SHKBP1: variants seen among roughly 807,000 people sequenced by gnomAD.
The protein encoded by SHKBP1 is SH3KBP1 binding protein 1.
SHKBP1 carries 71 observed loss-of-function variants against 83.9 expected under a neutral mutation model. The ratio of observed to expected loss-of-function variants is 0.85; its 90% CI spans 0.70 to 1.03. The LOEUF is 1.03. Ranked by LOEUF, SHKBP1 falls within the 50% of genes least tolerant of loss-of-function variation. The probability of loss-of-function intolerance (pLI) is 0.00; values close to 1 mark genes in which losing one functional copy is unlikely to be tolerated. For synonymous variants in SHKBP1, 371 were observed against 398.0 expected (o/e 0.93, Z 0.81); for missense variants, 824 against 982.4 (o/e 0.84, Z 2.16).
At position 40,590,694 on chromosome 19, in the gene SHKBP1, TGTC is replaced by T. The variant is rs761287925; in HGVS notation, c.1769-35_1769-33del. On this transcript the variant is annotated intron_variant, in intron 16 of 17. Coordinates refer to ENST00000291842, the MANE Select transcript of SHKBP1 (RefSeq NM_138392.4). This position sits in a 1 kb window ranked among gnomAD's most constrained non-coding sequence, Gnocchi z 4.6. ...ACCCAGGCCCTTGCCCTATGACCCC[TGTC>T]TTGCCCCCTGACCCTGCTTCCGTGC... 7.8e-6 allele frequency: 12 copies of T among 1,548,130 alleles called. No homozygotes were observed. The highest frequency in any genetic ancestry group is 1.4e-5 in the African/African-American group (1 of 73,554).
intron 12 of SHKBP1, among the ~76,000 whole-genome samples, chr19:40,584,481 A>G (rs1438071324): frequency 6.6e-6 from 1 of 152,204 alleles, no homozygotes; most frequent in Non-Finnish European, 1.5e-5. Flanking sequence ...AATTCAGCGG[A>G]TTTTAGTATA....
Position 40,583,306 on chromosome 19 carries a change from T to C in SHKBP1, c.961-92T>C, listed in dbSNP as rs1343476649. The C allele has an allele frequency of 1.2e-5, 13 of 1,047,782 alleles. No individual in the cohort carries two copies. The Admixed American group carries it at 2.9e-4, about 24-fold the overall frequency. The allele number at this position is 1,047,782 out of a possible 1,614,324, so 64.9% of individuals were successfully genotyped here. On this transcript the variant is annotated intron_variant, in intron 10 of 17. Transcript: ENST00000291842. ...GGGAGCAGTGGGTGGGTTCTGGAGGTGGAGGAGAGGGCCCATCCTCTGTGA... is the reference window on the plus strand; with the variant it reads ...GGGAGCAGTGGGTGGGTTCTGGAGGCGGAGGAGAGGGCCCATCCTCTGTGA...
At position 40,578,595 on chromosome 19, in the gene SHKBP1, T is replaced by C. The variant is rs566269654; in HGVS notation, c.400+53T>C. The stretch of plus-strand genomic sequence containing the variant: ...CGCGGAGGTGGGCCAAAGACTACAT[T>C]TCCCATAAGGCTGCAGCTCTCGGGT... On this transcript the variant is annotated intron_variant, in intron 6 of 17. Transcript: ENST00000291842. The C allele has an allele frequency of 2.3e-5, 35 of 1,528,414 alleles. No homozygotes were observed. In the African/African-American group the frequency reaches 4.4e-4, roughly 19 times the overall value. 94.7% of individuals were successfully genotyped at this position (1,528,414 alleles called of 1,614,324 possible).
chr19:40,581,523 CAA>C (rs373552328), intron 9 of SHKBP1, among the ~76,000 whole-genome samples: 2 of 63,882 alleles, frequency 3.1e-5, no homozygotes, highest in Non-Finnish European at 6.2e-5. Flanking sequence ...GACACCATCT[CAA>C]AAAAAAAAAA....
Position 40,589,068 on chromosome 19 carries a change from C to G in SHKBP1, c.1493-14C>G. The G allele has an allele frequency of 6.2e-7, 1 of 1,609,946 alleles. No individual in the cohort carries two copies. The highest frequency in any genetic ancestry group is 1.7e-5 in the Admixed American group (1 of 60,024). On this transcript the variant is annotated splice_polypyrimidine_tract_variant and intron_variant, in intron 14 of 17. Transcript: ENST00000291842. ...ATCCCAGCTGGCCCTGACCCCTGCC[C>G]CTGCCTGGCCCAGGCCCCTACGGTG...
At chr19:40,584,104 G>T (rs1056800460) in intron 12 of SHKBP1, among the ~76,000 whole-genome samples, 1 of 152,068 alleles carries the variant, frequency 6.6e-6, no homozygotes, top group African/African-American at 2.4e-5. Flanking sequence ...GCCCCCCAAA[G>T]TACTGGGATT....
chr19:40,590,589 T>C lies in SHKBP1; in HGVS notation c.1769-141T>C, dbSNP rs2081350468. Reference sequence around the variant, plus strand: ...CTTCCTGCCCTTGTTTTTCAACCCCTGTCTCAGCCTCTGGCCCCCATGCAT... The same window carrying C: ...CTTCCTGCCCTTGTTTTTCAACCCCCGTCTCAGCCTCTGGCCCCCATGCAT... On this transcript the variant is annotated intron_variant, in intron 16 of 17. Transcript: ENST00000291842. This position sits in a 1 kb window ranked among gnomAD's most constrained non-coding sequence, Gnocchi z 4.6. 2.3e-6 allele frequency: 3 copies of C among 1,299,084 alleles called. No individual in the cohort carries two copies. Among genetic ancestry groups the C allele is most frequent in the South Asian group, 1.4e-5 (1 of 71,430 alleles). The allele number at this position is 1,299,084 out of a possible 1,614,324, so 80.5% of individuals were successfully genotyped here.
chr19:40,577,481 G>T (rs748215192), intron 3 of SHKBP1, 40 bp downstream of exon 3: 67 of 1,613,758 alleles, frequency 4.2e-5, no homozygotes, highest in Middle Eastern at 3.3e-4. Context: ...GGGGGGAGGG[G>T]TTGGTAGGAA....
At chr19:40,577,160 C>A in intron 1 of SHKBP1, 71 bp from the exon 2 acceptor site, 1 of 1,579,372 alleles carries the variant, frequency 6.3e-7, no homozygotes. Context: ...AACCCTGGAT[C>A]CTGCGGGAGG....
Position 40,583,692 on chromosome 19 carries a change from C to CA in SHKBP1, c.1141dup (p.Ser381LysfsTer10). 1 of 1,614,008 alleles carries CA rather than the reference C, an allele frequency of 6.2e-7. No individual in the cohort carries two copies. The highest frequency in any genetic ancestry group is 1.3e-5 in the African/African-American group (1 of 75,018). On this transcript the variant is annotated frameshift_variant, in exon 12 of 18. Transcript: ENST00000291842. LOFTEE classifies it high-confidence loss of function. The stretch of plus-strand genomic sequence containing the variant: ...CAGCGGAGGATGGGGTCACCGCCCT[C>CA]AGTGTCTACCTCACCCCCAAGACCA...
At chr19:40,587,821 T>C (rs1345219875) in intron 13 of SHKBP1, among the ~76,000 whole-genome samples, 1 of 152,056 alleles carries the variant, frequency 6.6e-6, no homozygotes. Flanking sequence ...GAGGGATCAC[T>C]TGAGCCCAAG....
intron 13 of SHKBP1, among the ~76,000 whole-genome samples, chr19:40,587,574 G>C (rs1242067741): frequency 6.6e-6 from 1 of 151,172 alleles, no homozygotes; most frequent in East Asian, 2.0e-4. Flanking sequence ...CTAGGCAACA[G>C]AGCGAGACTC....
intron 6 of SHKBP1, 55 bp downstream of exon 6, chr19:40,578,597 C>T: frequency 1.3e-6 from 2 of 1,515,648 alleles, no homozygotes; most frequent in South Asian, 1.1e-5. Flanking sequence ...GACTACATTT[C>T]CCATAAGGCT....
At chr19:40,581,835 T>C (rs2081272732) in intron 9 of SHKBP1, among the ~76,000 whole-genome samples, 1 of 152,238 alleles carries the variant, frequency 6.6e-6, no homozygotes, top group Admixed American at 6.5e-5. Flanking sequence ...ATCTCAGTGC[T>C]GTTAGAATTC....
Position 40,590,845 on chromosome 19 carries a change from C to T in SHKBP1, c.1884C>T (p.Ser628=). ...TCCCCAGCCCCTCACCCCGCATCTCCCTCACCAGGTAGCCACAACTCCACT... is the reference window on the plus strand; with the variant it reads ...TCCCCAGCCCCTCACCCCGCATCTCTCTCACCAGGTAGCCACAACTCCACT... ...GCLPSPSPRI[S]LTSLHSASSN... The change falls in exon 17 of 18, where the codon TCC becomes TCT. Residue 628 remains serine, a synonymous_variant. Transcript: ENST00000291842. The surrounding 1 kb of genome is among the most constrained non-coding windows in gnomAD (Gnocchi z 4.6). 6.3e-7 allele frequency: 1 copy of T among 1,581,958 alleles called. No homozygotes were observed. The highest frequency in any genetic ancestry group is 8.6e-7 in the Non-Finnish European group (1 of 1,156,742).
At chr19:40,583,787 C>A in intron 12 of SHKBP1, 70 bp downstream of exon 12, 2 of 1,206,052 alleles carry the variant, frequency 1.7e-6, no homozygotes, top group Non-Finnish European at 2.5e-6. Flanking sequence ...AGCTGTCCCC[C>A]AACTTGTGTA....
At position 40,590,265 on chromosome 19, in the gene SHKBP1, G is replaced by T; in HGVS notation, c.1611G>T (p.Val537=). 6.2e-7 allele frequency: 1 copy of T among 1,602,130 alleles called. No individual in the cohort carries two copies. The highest frequency in any genetic ancestry group is 8.5e-7 in the Non-Finnish European group (1 of 1,175,480). ...CCAGGGTGTGCTCCGTGCGCTCCGT[G>T]GACGGCTCACCCACGACAGCCTTCA... ...TGQRVCSVRS[V]DGSPTTAFTV... The change falls in exon 16 of 18, where the codon GTG becomes GTT. Residue 537 remains valine, a synonymous_variant. Transcript: ENST00000291842. The surrounding 1 kb of genome is among the most constrained non-coding windows in gnomAD (Gnocchi z 4.6).
chr19:40,586,712 TC>T, intron 12 of SHKBP1, 61 bp from the exon 13 acceptor site: 1 of 1,419,928 alleles, frequency 7.0e-7, no homozygotes. Flanking sequence ...TGTTTCTTTC[TC>T]CCTGCCCTGG....
In SHKBP1 at chr19:40,583,430, C is replaced by T. The variant is rs746576731; in HGVS notation, c.993C>T (p.Asp331=). The part of the protein sequence containing the change: ...VQEVQPITSY[D]AAGSFLLLGC... ...AGGTGCAGCCCATCACCAGTTATGA[C>T]GCGGCAGGCTCCTTCCTCCTCCTGG... Residue 331 remains aspartate (D), a synonymous_variant, in exon 11 of 18, where the codon GAC becomes GAT. Coordinates refer to ENST00000291842, the MANE Select transcript of SHKBP1 (RefSeq NM_138392.4). The T allele has an allele frequency of 1.6e-5, 25 of 1,600,802 alleles. No homozygotes were observed. Among genetic ancestry groups the T allele is most frequent in the Middle Eastern group, 1.6e-4 (1 of 6,064 alleles).
Sources: allele counts gnomAD v4.1 joint callset (sites outside exome capture counted in the v4.1 genomes callset), GRCh38; gene constraint gnomAD v4.1.1; non-coding constraint Gnocchi (gnomAD v3.1); transcripts MANE v1.5; gene names NCBI Gene and HGNC (gene_info 2026-07-23, HGNC 2026-07-21).